The following ARHGAP24 variants were observed in gnomAD, a reference collection of about 807,000 sequenced individuals.
ARHGAP24 encodes the protein rho GTPase-activating protein 24.
ARHGAP24 carries 50 observed loss-of-function variants against 76.4 expected under a neutral mutation model. The observed-to-expected ratio is 0.65, with a 90% confidence interval of 0.52 to 0.83. The LOEUF (loss-of-function observed/expected upper bound fraction) is 0.83, where lower values mean the gene tolerates loss of function less well. ARHGAP24 is among the 40% of genes least tolerant of loss of function. The probability of loss-of-function intolerance (pLI) is 0.00; values close to 1 mark genes in which losing one functional copy is unlikely to be tolerated. For missense variants in ARHGAP24, 930 were observed against 914.2 expected, an observed-to-expected ratio of 1.02 and a Z score of -0.22; for synonymous variants, 345 against 323.3, an observed-to-expected ratio of 1.07 and a Z score of -0.72.
intron 3 of ARHGAP24, among the ~76,000 whole-genome samples, chr4:85,816,651 A>C (rs1248033011): frequency 6.6e-6 from 1 of 152,208 alleles, no homozygotes; most frequent in Non-Finnish European, 1.5e-5. Flanking sequence ...TATGTATAAC[A>C]CATTTTTTAT....
intron 4 of ARHGAP24, among the ~76,000 whole-genome samples, chr4:85,933,586 G>A (rs1736468255): frequency 6.6e-6 from 1 of 152,188 alleles, no homozygotes; most frequent in South Asian, 2.1e-4. Flanking sequence ...CTATTAGGCA[G>A]GAAGCTCGGG....
chr4:85,557,689 A>G (rs572039849), intron 1 of ARHGAP24, among the ~76,000 whole-genome samples: 18 of 152,240 alleles, frequency 1.2e-4, no homozygotes, highest in Admixed American at 2.0e-4. Flanking sequence ...CCGTGAAAGC[A>G]GTGCACACTG....
At chr4:85,565,574 T>C (rs1726807715) in intron 1 of ARHGAP24, among the ~76,000 whole-genome samples, 1 of 152,134 alleles carries the variant, frequency 6.6e-6, no homozygotes, top group African/African-American at 2.4e-5. Flanking sequence ...GGAGATGTAT[T>C]TGGTCCCCTT....
chr4:85,612,494 A>C (rs1486049368), intron 2 of ARHGAP24, among the ~76,000 whole-genome samples: 1 of 152,044 alleles, frequency 6.6e-6, no homozygotes, highest in Admixed American at 6.6e-5. Flanking sequence ...CAAAATGCGT[A>C]ATTTCATATT....
intron 3 of ARHGAP24, among the ~76,000 whole-genome samples, chr4:85,802,389 A>T (rs1304442646): frequency 6.6e-6 from 1 of 152,238 alleles, no homozygotes; most frequent in Non-Finnish European, 1.5e-5. Flanking sequence ...TGTCTACCTA[A>T]CTGTGCTGCA....
At chr4:85,760,335 G>C (rs188088638) in intron 3 of ARHGAP24, among the ~76,000 whole-genome samples, 1 of 152,190 alleles carries the variant, frequency 6.6e-6, no homozygotes, top group East Asian at 1.9e-4. Context: ...ACATATCAAG[G>C]TTTTGAAAAT....
intron 2 of ARHGAP24, among the ~76,000 whole-genome samples, chr4:85,622,773 T>C (rs1217799941): frequency 2.0e-5 from 3 of 152,348 alleles, no homozygotes; most frequent in Middle Eastern, 3.4e-3. Flanking sequence ...TTCCTGACTT[T>C]TTAATGATCG....
intron 3 of ARHGAP24, among the ~76,000 whole-genome samples, chr4:85,738,485 A>G (rs1249742825): frequency 6.6e-6 from 1 of 151,126 alleles, no homozygotes; most frequent in African/African-American, 2.4e-5. Context: ...TATAAAACCT[A>G]TAATATTTTC....
chr4:85,891,160 C>G (rs1460189229), intron 3 of ARHGAP24, among the ~76,000 whole-genome samples: 1 of 152,086 alleles, frequency 6.6e-6, no homozygotes, highest in Non-Finnish European at 1.5e-5. Context: ...GGTCTAGGAC[C>G]TAAGGGGGAC....
intron 5 of ARHGAP24, among the ~76,000 whole-genome samples, chr4:85,945,314 T>C (rs1346089385): frequency 6.6e-6 from 1 of 151,912 alleles, no homozygotes; most frequent in Non-Finnish European, 1.5e-5. Flanking sequence ...GACTATTTTT[T>C]GTATATTTTG....
chr4:85,925,708 A>T (rs184879154), intron 4 of ARHGAP24, among the ~76,000 whole-genome samples: 1 of 152,180 alleles, frequency 6.6e-6, no homozygotes, highest in Non-Finnish European at 1.5e-5. Flanking sequence ...AAAATATAGT[A>T]TATAAAGGGT....
At chr4:85,547,410 A>G (rs551417744) in intron 1 of ARHGAP24, among the ~76,000 whole-genome samples, 290 of 152,142 alleles carry the variant, frequency 1.9e-3, no homozygotes, top group African/African-American at 6.7e-3. Context: ...CAGGAGGCAC[A>G]TGATGTCAGT....
At chr4:85,580,022 A>G (rs1727542692) in intron 2 of ARHGAP24, among the ~76,000 whole-genome samples, 1 of 152,068 alleles carries the variant, frequency 6.6e-6, no homozygotes, top group African/African-American at 2.4e-5. Flanking sequence ...CCTTTTGAGG[A>G]ACTATGCCGA....
intron 1 of ARHGAP24, among the ~76,000 whole-genome samples, chr4:85,542,617 G>T (rs537153326): frequency 1.8e-4 from 28 of 152,104 alleles, no homozygotes; most frequent in African/African-American, 4.8e-4. Context: ...CATGCTTAGA[G>T]CTAACTATAT....
intron 8 of ARHGAP24, chr4:85,990,871 CA>C (rs745891453): frequency 6.6e-6 from 1 of 151,906 alleles, no homozygotes; most frequent in Non-Finnish European, 1.5e-5. Context: ...AGTGAAGACT[CA>C]GGACACAAAA....
At chr4:85,552,692 T>C (rs1399959072) in intron 1 of ARHGAP24, among the ~76,000 whole-genome samples, 1 of 152,234 alleles carries the variant, frequency 6.6e-6, no homozygotes, top group Non-Finnish European at 1.5e-5. Context: ...TCTATGAGTC[T>C]TGGTGCTCCT....
At chr4:85,761,604 G>A (rs1726735457) in intron 3 of ARHGAP24, among the ~76,000 whole-genome samples, 1 of 152,154 alleles carries the variant, frequency 6.6e-6, no homozygotes, top group African/African-American at 2.4e-5. Context: ...TTTATTTTAA[G>A]GAAGAGAAAA....
At chr4:85,931,193 A>G in intron 4 of ARHGAP24, 1 of 805,304 alleles carries the variant, frequency 1.2e-6, no homozygotes, top group Non-Finnish European at 1.9e-6. Flanking sequence ...TTGCTTGTCT[A>G]TACTTATTTT....
intron 3 of ARHGAP24, among the ~76,000 whole-genome samples, chr4:85,917,581 C>T (rs1023730247): frequency 5.9e-5 from 9 of 151,984 alleles, no homozygotes; most frequent in Non-Finnish European, 8.8e-5. Flanking sequence ...TCTGTTGTTT[C>T]CTGACTTTTT....
Sources: gnomAD v4.1 joint callset for allele counts (sites outside exome capture counted in the v4.1 genomes callset) on GRCh38, gnomAD v4.1.1 for gene constraint, MANE v1.5 for transcripts, NCBI Gene and HGNC (gene_info 2026-07-23, HGNC 2026-07-21) for gene names.